CALD1: variants seen among roughly 807,000 people sequenced by gnomAD.
CALD1 encodes the protein caldesmon 1.
CALD1 carries 33 observed loss-of-function variants against 99.9 expected under a neutral mutation model. The ratio of observed to expected loss-of-function variants is 0.33; its 90% CI spans 0.25 to 0.44. The LOEUF (loss-of-function observed/expected upper bound fraction) is 0.44. Among genes scored for constraint, CALD1 ranks in the 20% least tolerant of loss-of-function variants. The pLI is 1.00. For synonymous variants in CALD1, 310 were observed against 325.0 expected (o/e 0.95, Z 0.50); for missense variants, 861 against 962.1 (o/e 0.89, Z 1.39).
At chr7:134,811,486 C>T (rs1798353121) in intron 1 of CALD1, among the ~76,000 whole-genome samples, 1 of 152,180 alleles carries the variant, frequency 6.6e-6, no homozygotes, top group Admixed American at 6.5e-5. Context: ...AGAACCCTCC[C>T]TGTCCAAAAT....
chr7:134,883,574 A>G (rs1362915700), intron 3 of CALD1, among the ~76,000 whole-genome samples: 1 of 152,206 alleles, frequency 6.6e-6, no homozygotes, highest in Non-Finnish European at 1.5e-5. Context: ...TCTTAATAAG[A>G]GCTTGATTTC....
At chr7:134,943,314 C>T (rs922872980) in intron 7 of CALD1, among the ~76,000 whole-genome samples, 3 of 144,638 alleles carry the variant, frequency 2.1e-5, no homozygotes, top group South Asian at 2.4e-4. Flanking sequence ...GGGTGGGGTG[C>T]GGGGAGAAAG....
At chr7:134,878,861 T>C (rs141175750) in intron 3 of CALD1, among the ~76,000 whole-genome samples, 2,452 of 151,708 alleles carry the variant, frequency 0.016, 30 homozygotes, top group Non-Finnish European at 0.025. Context: ...CCAGCTACTC[T>C]GGAGGCTGAG....
At chr7:134,891,325 A>T in intron 3 of CALD1, 1 of 1,128,802 alleles carries the variant, frequency 8.9e-7, no homozygotes, top group Non-Finnish European at 1.1e-6. Context: ...TCTGATCGCT[A>T]AACATGATGG....
the CALD1 span, among the ~76,000 whole-genome samples, chr7:134,730,514 C>A: frequency 3.3e-5 from 5 of 152,134 alleles, no homozygotes; most frequent in African/African-American, 1.2e-4. Context: ...CACTGTGGTG[C>A]AAGCTCCTTG....
intron 2 of CALD1, among the ~76,000 whole-genome samples, chr7:134,866,056 C>T (rs188515545): frequency 2.6e-5 from 4 of 152,330 alleles, no homozygotes; most frequent in East Asian, 3.9e-4. Context: ...CCTCCCACTG[C>T]ACCTGGCATT....
At chr7:134,917,428 A>C (rs773751329) in intron 3 of CALD1, among the ~76,000 whole-genome samples, 3 of 152,098 alleles carry the variant, frequency 2.0e-5, no homozygotes, top group Non-Finnish European at 4.4e-5. Flanking sequence ...AGCTTACTAC[A>C]ACCTCCATTT....
At chr7:134,772,602 A>AT (rs1358246895) in intron 1 of CALD1, among the ~76,000 whole-genome samples, 1 of 152,204 alleles carries the variant, frequency 6.6e-6, no homozygotes, top group East Asian at 1.9e-4. Flanking sequence ...GTAAAAATCA[A>AT]TGTGCAATAT....
intron 3 of CALD1, among the ~76,000 whole-genome samples, chr7:134,898,503 T>C (rs550018458): frequency 1.8e-4 from 28 of 152,182 alleles, no homozygotes; most frequent in African/African-American, 6.5e-4. Context: ...TTAAGTAGAT[T>C]TGAATTGAAG....
At chr7:134,857,566 CATTACTATCTAA>C (rs1810724416) in intron 2 of CALD1, among the ~76,000 whole-genome samples, 1 of 152,054 alleles carries the variant, frequency 6.6e-6, no homozygotes, top group Admixed American at 6.5e-5. Flanking sequence ...CTAAATGACT[CATTACTATCTAA>C]ATTACTATCT....
At chr7:134,939,774 C>T (rs1342945670) in intron 6 of CALD1, among the ~76,000 whole-genome samples, 1 of 151,998 alleles carries the variant, frequency 6.6e-6, no homozygotes, top group East Asian at 1.9e-4. Flanking sequence ...ACCAGCCTGG[C>T]CAACAAGGTG....
intron 2 of CALD1, among the ~76,000 whole-genome samples, chr7:134,847,087 G>A (rs1285343409): frequency 6.6e-6 from 1 of 152,162 alleles, no homozygotes; most frequent in Non-Finnish European, 1.5e-5. Context: ...ATTTTCCTAT[G>A]AGCACGTAAA....
At chr7:134,868,726 T>TC (rs1563055844) in intron 3 of CALD1, among the ~76,000 whole-genome samples, 3 of 152,204 alleles carry the variant, frequency 2.0e-5, no homozygotes, top group Non-Finnish European at 4.4e-5. Context: ...TAACTGCCTA[T>TC]GATGAACTGG....
chr7:134,851,313 G>T (rs565304666), intron 2 of CALD1, among the ~76,000 whole-genome samples: 1 of 152,220 alleles, frequency 6.6e-6, no homozygotes, highest in African/African-American at 2.4e-5. Flanking sequence ...TGGCTCACTG[G>T]AGTAAAGAGA....
At chr7:134,908,411 G>A (rs937019502) in intron 3 of CALD1, among the ~76,000 whole-genome samples, 3 of 152,096 alleles carry the variant, frequency 2.0e-5, no homozygotes, top group Non-Finnish European at 4.4e-5. Context: ...TCTATTTCCT[G>A]TCTGATCACT....
chr7:134,964,668 G>C lies in CALD1; in HGVS notation c.2296-638G>C, dbSNP rs538192075. Among the ~76,000 whole-genome samples the C allele has an allele frequency of 3.9e-5, 6 of 152,284 alleles. No individual in the cohort carries two copies. In the South Asian group the frequency reaches 1.2e-3, roughly 32 times the overall value. ...TAAAGTAGTAAGGGCTGGGGGGAAA[G>C]AGGTGAGTACAAATTGAGTTCATCT... On this transcript the variant is annotated intron_variant, in intron 13 of 14. Coordinates refer to ENST00000361675, the MANE Select transcript of CALD1 (RefSeq NM_033138.4).
intron 14 of CALD1, 75 bp from the exon 15 acceptor site, chr7:134,968,265 C>T (rs1808820258): frequency 7.9e-7 from 1 of 1,272,602 alleles, no homozygotes; most frequent in Non-Finnish European, 1.2e-6. Context: ...ACTATAAAAA[C>T]CATCTGCCTG....
intron 7 of CALD1, among the ~76,000 whole-genome samples, chr7:134,945,213 C>T (rs183676813): frequency 2.0e-5 from 3 of 152,200 alleles, no homozygotes; most frequent in East Asian, 1.9e-4. Context: ...TACATAAAAA[C>T]GTACCCATTT....
At chr7:134,786,653 A>G (rs1287637274) in intron 1 of CALD1, among the ~76,000 whole-genome samples, 1 of 152,200 alleles carries the variant, frequency 6.6e-6, no homozygotes, top group Non-Finnish European at 1.5e-5. Flanking sequence ...CTCAATAAAT[A>G]TTTGTTGAAT....
Sources: gnomAD v4.1 joint callset for allele counts (sites outside exome capture counted in the v4.1 genomes callset) on GRCh38, gnomAD v4.1.1 for gene constraint, MANE v1.5 for transcripts, NCBI Gene and HGNC (gene_info 2026-07-23, HGNC 2026-07-21) for gene names.